Variants in ETV6 observed in about 807,000 individuals in gnomAD.
ETV6 encodes ETS variant transcription factor 6.
ETV6 carries 16 observed loss-of-function variants against 51.1 expected under a neutral mutation model. The ratio of observed to expected loss-of-function variants is 0.31; its 90% CI spans 0.21 to 0.48. ETV6 has a LOEUF of 0.48. Ranked by LOEUF, ETV6 falls within the 20% of genes least tolerant of loss-of-function variation. The pLI, the probability that ETV6 is intolerant of heterozygous loss-of-function variation, is 0.99. For missense variants in ETV6, 458 were observed against 594.8 expected (o/e 0.77, Z 2.39); for synonymous variants, 240 against 224.1 (o/e 1.07, Z -0.64).
At chr12:11,759,885 A>G (rs1393402874) in intron 2 of ETV6, among the ~76,000 whole-genome samples, 1 of 152,134 alleles carries the variant, frequency 6.6e-6, no homozygotes, top group African/African-American at 2.4e-5. Flanking sequence ...AATAACTGAT[A>G]TTTTCTCCCA....
chr12:11,649,790 G>C lies in ETV6; in HGVS notation c.-338G>C, dbSNP rs1331625066. The stretch of plus-strand genomic sequence containing the variant: ...ATTCGAGAGAGCGAGGGAGAGCCGC[G>C]GGAGGGCGGGGGGCGGGGGCGCCGG... On this transcript the variant is annotated 5_prime_UTR_variant, in exon 1 of 8. Transcript: ENST00000396373. The C allele has an allele frequency of 2.0e-5, 3 of 146,952 alleles. No homozygotes were observed. Among genetic ancestry groups the C allele is most frequent in the Non-Finnish European group, 4.5e-5 (3 of 66,172 alleles). 9.1% of individuals were successfully genotyped at this position (146,952 alleles called of 1,614,324 possible). A position where few individuals can be genotyped will look rare whatever the true frequency, so the allele number is the denominator to read the frequency against.
intron 1 of ETV6, chr12:11,751,247 A>T (rs564589360): frequency 2.9e-5 from 14 of 477,248 alleles, no homozygotes; most frequent in Admixed American, 2.0e-4. Flanking sequence ...TTCCCTTTGC[A>T]CATTTGATGA....
chr12:11,817,597 C>G (rs1347001685), intron 2 of ETV6, among the ~76,000 whole-genome samples: 1 of 152,188 alleles, frequency 6.6e-6, no homozygotes, highest in Non-Finnish European at 1.5e-5. Flanking sequence ...GCCAGAAAGA[C>G]AGTACTTGTA....
chr12:11,687,274 A>G (rs1249015551), intron 1 of ETV6, among the ~76,000 whole-genome samples: 1 of 73,604 alleles, frequency 1.4e-5, no homozygotes, highest in Non-Finnish European at 2.6e-5. Context: ...GCCCCCCACC[A>G]GGTTCAAACG....
At chr12:11,788,086 CTT>C (rs1945516309) in intron 2 of ETV6, among the ~76,000 whole-genome samples, 2 of 152,200 alleles carry the variant, frequency 1.3e-5, no homozygotes, top group African/African-American at 4.8e-5. Context: ...GCAAGAATCT[CTT>C]TAACAAATAC....
intron 1 of ETV6, among the ~76,000 whole-genome samples, chr12:11,668,796 C>A (rs1048171384): frequency 6.6e-6 from 1 of 152,186 alleles, no homozygotes; most frequent in African/African-American, 2.4e-5. Context: ...CTCTGTTAAA[C>A]AAAGACACAC....
intron 1 of ETV6, among the ~76,000 whole-genome samples, chr12:11,729,961 G>A (rs1003088337): frequency 5.3e-5 from 8 of 152,068 alleles, no homozygotes; most frequent in Admixed American, 2.0e-4. Context: ...TCTCTACCAC[G>A]CTTTCTAGGT....
intron 1 of ETV6, among the ~76,000 whole-genome samples, chr12:11,666,288 G>C (rs768030810): frequency 5.3e-5 from 8 of 151,420 alleles, no homozygotes; most frequent in Admixed American, 4.6e-4. Flanking sequence ...GTCTTCTCTT[G>C]TACAGCCCAT....
intron 5 of ETV6, among the ~76,000 whole-genome samples, chr12:11,878,343 G>T (rs1347981208): frequency 2.0e-5 from 3 of 152,180 alleles, no homozygotes; most frequent in Non-Finnish European, 2.9e-5. Flanking sequence ...GGCTTGAGGA[G>T]ACTGGAAATT....
At chr12:11,883,870 A>T (rs1281755417) in intron 5 of ETV6, among the ~76,000 whole-genome samples, 1 of 152,178 alleles carries the variant, frequency 6.6e-6, no homozygotes, top group Non-Finnish European at 1.5e-5. Context: ...TCCCACAGTC[A>T]GAGTCACCAA....
rs1477288425 is a variant in ETV6 at position 11,893,607 on chromosome 12, A to G, written c.*2561A>G. The G allele has an allele frequency of 4.3e-6, 1 of 231,426 alleles. No individual in the cohort carries two copies. The highest frequency in any genetic ancestry group is 2.2e-5 in the African/African-American group (1 of 45,180). 14.3% of individuals were successfully genotyped at this position (231,426 alleles called of 1,614,324 possible). A position where few individuals can be genotyped will look rare whatever the true frequency, so the allele number is the denominator to read the frequency against. On this transcript the variant is annotated 3_prime_UTR_variant, in exon 8 of 8. Transcript: ENST00000396373. ...AAACCTTCCTGAACGCTATGACACCATGAGTGGAAAATTCCACACCTAACA... is the reference window on the plus strand; with the variant it reads ...AAACCTTCCTGAACGCTATGACACCGTGAGTGGAAAATTCCACACCTAACA...
chr12:11,654,596 T>C (rs1489826470), intron 1 of ETV6, among the ~76,000 whole-genome samples: 1 of 127,146 alleles, frequency 7.9e-6, no homozygotes, highest in Non-Finnish European at 1.9e-5. Context: ...AGATGGTATG[T>C]GGGGGTAGAA....
intron 2 of ETV6, among the ~76,000 whole-genome samples, chr12:11,788,324 G>A (rs1945519321): frequency 6.6e-6 from 1 of 151,932 alleles, no homozygotes; most frequent in African/African-American, 2.4e-5. Context: ...CACAAATTGG[G>A]CCTTTTTCCC....
chr12:11,881,348 C>A (rs1947089794), intron 5 of ETV6, among the ~76,000 whole-genome samples: 1 of 152,186 alleles, frequency 6.6e-6, no homozygotes, highest in African/African-American at 2.4e-5. Flanking sequence ...GATAGTAGGA[C>A]AAATACTGAA....
intron 2 of ETV6, among the ~76,000 whole-genome samples, chr12:11,819,141 G>C (rs938267304): frequency 1.7e-4 from 26 of 152,162 alleles, no homozygotes; most frequent in African/African-American, 6.3e-4. Flanking sequence ...TCACAGCCAA[G>C]TTCTGGAAAG....
intron 1 of ETV6, among the ~76,000 whole-genome samples, chr12:11,744,596 C>T (rs1419969674): frequency 1.3e-5 from 2 of 152,190 alleles, no homozygotes; most frequent in Non-Finnish European, 1.5e-5. Flanking sequence ...AGGACATGCA[C>T]TTTTATGGCG....
chr12:11,793,254 C>G (rs879764069), intron 2 of ETV6, among the ~76,000 whole-genome samples: 1 of 152,184 alleles, frequency 6.6e-6, no homozygotes, highest in Non-Finnish European at 1.5e-5. Context: ...CCCAAGAGCC[C>G]TTTGAGAAGT....
chr12:11,832,727 G>A (rs548986477), intron 2 of ETV6, among the ~76,000 whole-genome samples: 1 of 152,314 alleles, frequency 6.6e-6, no homozygotes, highest in East Asian at 1.9e-4. Flanking sequence ...AGGATATCAG[G>A]AAGGCGTTTC....
intron 2 of ETV6, among the ~76,000 whole-genome samples, chr12:11,763,386 A>G (rs1340819283): frequency 6.6e-6 from 1 of 152,334 alleles, no homozygotes; most frequent in South Asian, 2.1e-4. Context: ...TTAGGAACAC[A>G]AAAGTAGGAA....
Sources: allele counts gnomAD v4.1 joint callset (sites outside exome capture counted in the v4.1 genomes callset), GRCh38; gene constraint gnomAD v4.1.1; transcripts MANE v1.5; gene names NCBI Gene and HGNC (gene_info 2026-07-23, HGNC 2026-07-21).